KNSTRN: variants seen among roughly 807,000 people sequenced by gnomAD.
KNSTRN encodes the protein small kinetochore-associated protein.
In KNSTRN, 38 loss-of-function variants were observed where a neutral mutation model predicts 44.7. That is an observed-to-expected ratio of 0.85 (90% CI 0.66 to 1.11). The LOEUF (loss-of-function observed/expected upper bound fraction) is 1.11, where lower values mean the gene tolerates loss of function less well. KNSTRN is among the 50% of genes most tolerant of loss of function. The pLI is 0.00. For missense variants in KNSTRN, 406 were observed against 375.8 expected, an observed-to-expected ratio of 1.08 and a Z score of -0.66; for synonymous variants, 158 against 148.1, an observed-to-expected ratio of 1.07 and a Z score of -0.48.
At chr15:40,389,480 T>C (rs1021481732) in intron 4 of KNSTRN, 26 bp from the exon 5 acceptor site, 6 of 1,568,044 alleles carry the variant, frequency 3.8e-6, no homozygotes, top group Non-Finnish European at 5.3e-6. Context: ...TTTTATCTTT[T>C]CATGTAAGTA....
Position 40,387,141 on chromosome 15 carries a change from T to C in KNSTRN, c.438-18T>C, listed in dbSNP as rs761843806. 6.3e-7 allele frequency: 1 copy of C among 1,598,250 alleles called. No individual in the cohort carries two copies. The highest frequency in any genetic ancestry group is 8.6e-7 in the Non-Finnish European group (1 of 1,165,916). Reference sequence around the variant, plus strand: ...TACTGTAAGTCTCTGATTCATTTCTTTGTTTCTGCCCTCCTAGGCAAATGA... The same window carrying C: ...TACTGTAAGTCTCTGATTCATTTCTCTGTTTCTGCCCTCCTAGGCAAATGA... On this transcript the variant is annotated intron_variant, in intron 3 of 8. Transcript: ENST00000249776.
At chr15:40,386,222 G>A in intron 2 of KNSTRN, 140 bp from the exon 3 acceptor site, 1 of 910,968 alleles carries the variant, frequency 1.1e-6, no homozygotes, top group African/African-American at 1.7e-5. Flanking sequence ...GCAAGACTCT[G>A]TCTCAAAAAA....
rs1890006034 is a variant in KNSTRN at position 40,391,984 on chromosome 15, T to C, written c.783T>C (p.Leu261=). The C allele has an allele frequency of 6.2e-7, 1 of 1,611,784 alleles. No individual in the cohort carries two copies. The highest frequency in any genetic ancestry group is 8.5e-7 in the Non-Finnish European group (1 of 1,179,306). Residue 261 remains leucine, a synonymous_variant, in exon 8 of 9, where the codon CTT becomes CTC. Coordinates refer to ENST00000249776, the MANE Select transcript of KNSTRN (RefSeq NM_033286.4). The stretch of plus-strand genomic sequence containing the variant: ...AAACTTTGCAAGAGGAGCTGAAGCT[T>C]TTTAACGAAACAGCCAAAAAGCAGA... ...LLETLQEELK[L]FNETAKKQME...
intron 4 of KNSTRN, 109 bp downstream of exon 4, chr15:40,387,315 G>T (rs1889920024): frequency 3.2e-6 from 3 of 933,850 alleles, no homozygotes; most frequent in East Asian, 2.5e-5. Context: ...TTAGGGTCTG[G>T]GTTCCACCTC....
At chr15:40,384,414 T>C (rs1458677898) in intron 2 of KNSTRN, 1 of 452,540 alleles carries the variant, frequency 2.2e-6, no homozygotes, top group Non-Finnish European at 4.4e-6. Context: ...TAGGCTTTTC[T>C]CCAAAGGCTT....
chr15:40,391,566 G>A lies in KNSTRN; in HGVS notation c.747+12G>A, dbSNP rs780836850. 1 of 1,609,712 alleles carries A rather than the reference G, an allele frequency of 6.2e-7. No homozygotes were observed. Among genetic ancestry groups the A allele is most frequent in the Non-Finnish European group, 8.5e-7 (1 of 1,176,062 alleles). On this transcript the variant is annotated intron_variant, in intron 7 of 8. Transcript: ENST00000249776. Reference sequence around the variant, plus strand: ...ACATGGACTCTATGGTGAGGGCATGGGTGTGAAAGGGCGCAAGGGCTGAGT... The same window carrying A: ...ACATGGACTCTATGGTGAGGGCATGAGTGTGAAAGGGCGCAAGGGCTGAGT...
At position 40,389,627 on chromosome 15, in the gene KNSTRN, G is replaced by A. The variant is rs1889964394; in HGVS notation, c.591+16G>A. 1.3e-6 allele frequency: 2 copies of A among 1,576,258 alleles called. No individual in the cohort carries two copies. Among genetic ancestry groups the A allele is most frequent in the Non-Finnish European group, 1.7e-6 (2 of 1,145,664 alleles). On this transcript the variant is annotated intron_variant, in intron 5 of 8. Coordinates refer to ENST00000249776, the MANE Select transcript of KNSTRN (RefSeq NM_033286.4). ...TGAAACTCAGGTAAGAGACCCACCA[G>A]AGCTCTGTTACCAGCTGCCACTGGG...
chr15:40,393,193 A>G (rs1446080204), intron 8 of KNSTRN: 6 of 1,613,718 alleles, frequency 3.7e-6, no homozygotes, highest in Non-Finnish European at 4.2e-6. Flanking sequence ...ACTGTTTCAG[A>G]TTGCTTGGAT....
chr15:40,391,990 C>A lies in KNSTRN; in HGVS notation c.789C>A (p.Asn263Lys). The A allele has an allele frequency of 6.2e-7, 1 of 1,611,310 alleles. No individual in the cohort carries two copies. Among genetic ancestry groups the A allele is most frequent in the Non-Finnish European group, 8.5e-7 (1 of 1,179,032 alleles). ...ETLQEELKLF[N>K]ETAKKQMEEL... is the part of the protein sequence containing the mutation. ...TGCAAGAGGAGCTGAAGCTTTTTAA[C>A]GAAACAGCCAAAAAGCAGATGGAGG... is the stretch of plus-strand genomic sequence containing the variant. The change falls in exon 8 of 9, where the codon AAC (asparagine) becomes AAA (lysine). Residue 263 changes from asparagine (N) to lysine (K), a missense_variant. By Grantham distance (94) the Asn-to-Lys change is moderately conservative. Coordinates refer to ENST00000249776, the MANE Select transcript of KNSTRN (RefSeq NM_033286.4).
At position 40,389,920 on chromosome 15, in the gene KNSTRN, C is replaced by A; in HGVS notation, c.676C>A (p.Leu226Ile). 6.2e-7 allele frequency: 1 copy of A among 1,613,840 alleles called. No individual in the cohort carries two copies. The highest frequency in any genetic ancestry group is 1.1e-5 in the South Asian group (1 of 91,076). ...NCLAILESKG[L>I]DPALGSETLA... ...TTTGGCAATTTTGGAGAGCAAGGGC[C>A]TTGATCCAGGTAAGAGACAGCACAC... Residue 226 changes from leucine (L) to isoleucine (I), a missense_variant, in exon 6 of 9, where the codon CTT (leucine) becomes ATT (isoleucine). Transcript: ENST00000249776.
At chr15:40,385,472 G>T (rs1310359565) in intron 2 of KNSTRN, among the ~76,000 whole-genome samples, 2 of 152,164 alleles carry the variant, frequency 1.3e-5, no homozygotes, top group African/African-American at 4.8e-5. Context: ...GAAGAGGAAG[G>T]GACCAGACAG....
At chr15:40,388,214 G>A (rs1484166871) in intron 4 of KNSTRN, among the ~76,000 whole-genome samples, 7 of 152,284 alleles carry the variant, frequency 4.6e-5, no homozygotes, top group South Asian at 2.1e-4. Context: ...TGAGAGCCCC[G>A]AACAGAGATT....
intron 3 of KNSTRN, 51 bp downstream of exon 3, chr15:40,386,545 C>A: frequency 6.3e-7 from 1 of 1,590,120 alleles, no homozygotes; most frequent in South Asian, 1.1e-5. Context: ...AGAAATTGCT[C>A]AATACAAAGA....
At chr15:40,390,759 C>G (rs987441655) in intron 6 of KNSTRN, among the ~76,000 whole-genome samples, 1 of 151,816 alleles carries the variant, frequency 6.6e-6, no homozygotes, top group African/African-American at 2.4e-5. Flanking sequence ...GGATTACAGG[C>G]GTGTACCACC....
In KNSTRN at chr15:40,392,001, A is replaced by G; in HGVS notation, c.800A>G (p.Lys267Arg). The G allele has an allele frequency of 1.2e-6, 2 of 1,611,434 alleles. No individual in the cohort carries two copies. The highest frequency in any genetic ancestry group is 4.5e-5 in the East Asian group (2 of 44,572). The change falls in exon 8 of 9, where the codon AAA becomes AGA. Residue 267 changes from lysine to arginine, a missense_variant. Lys to Arg is a conservative substitution (Grantham distance 26). Coordinates refer to ENST00000249776, the MANE Select transcript of KNSTRN (RefSeq NM_033286.4). ...EELKLFNETA[K>R]KQMEELQALK... ...CTGAAGCTTTTTAACGAAACAGCCA[A>G]AAAGCAGATGGAGGAGTTACAGGTG...
At chr15:40,392,962 A>G (rs1160423306) in intron 8 of KNSTRN, among the ~76,000 whole-genome samples, 1 of 151,950 alleles carries the variant, frequency 6.6e-6, no homozygotes, top group East Asian at 1.9e-4. Context: ...ACTATTAACT[A>G]TATTCCAAGT....
At position 40,393,735 on chromosome 15, in the gene KNSTRN, A is replaced by T. The variant is rs1270459091; in HGVS notation, c.*138A>T. The T allele has an allele frequency of 5.6e-5, 44 of 789,160 alleles. No homozygotes were observed. The highest frequency in any genetic ancestry group is 7.7e-5 in the Non-Finnish European group (40 of 520,552). 48.9% of individuals were successfully genotyped at this position (789,160 alleles called of 1,614,324 possible). A position where few individuals can be genotyped will look rare whatever the true frequency, so the allele number is the denominator to read the frequency against. ...CAATTTCTACAGTAGACTTAAGGAC[A>T]GTTTATGCTGAAATGGCAATTCCTC... On this transcript the variant is annotated 3_prime_UTR_variant, in exon 9 of 9. Transcript: ENST00000249776.
rs1165521182 is a variant in KNSTRN at position 40,393,277 on chromosome 15, T to C, written c.823-192T>C. 4 of 1,608,254 alleles carry C rather than the reference T, an allele frequency of 2.5e-6. No individual in the cohort carries two copies. The South Asian group carries it at 4.4e-5, about 18-fold the overall frequency. The stretch of plus-strand genomic sequence containing the variant: ...TAGATACAGGAGTCTAGTCCCTCTC[T>C]ACTACTAGAGGGACAATTCCTAAAA... On this transcript the variant is annotated intron_variant, in intron 8 of 8. Transcript: ENST00000249776.
Position 40,391,054 on chromosome 15 carries a change from C to G in KNSTRN, c.686-439C>G, listed in dbSNP as rs567113029. On this transcript the variant is annotated intron_variant, in intron 6 of 8. Transcript: ENST00000249776. ...AAGCAATCCTCCCAAATAGCTGGGA[C>G]TACAGGTGTGCACCACCACATCCGA... Among the ~76,000 whole-genome samples the G allele has an allele frequency of 2.0e-3, 310 of 152,262 alleles. 2 individuals are homozygous for G. The highest frequency in any genetic ancestry group is 0.011 in the South Asian group (55 of 4,824).
Sources: allele counts gnomAD v4.1 joint callset (sites outside exome capture counted in the v4.1 genomes callset), GRCh38; gene constraint gnomAD v4.1.1; transcripts MANE v1.5; gene names NCBI Gene and HGNC (gene_info 2026-07-23, HGNC 2026-07-21).